The following PTGFRN variants were observed in gnomAD, a reference collection of about 807,000 sequenced individuals.
PTGFRN encodes prostaglandin F2 receptor inhibitor, also known as prostaglandin F2 receptor negative regulator.
Under a neutral mutation model 83.2 loss-of-function variants are expected in PTGFRN, and 35 were observed. That is an observed-to-expected ratio of 0.42 (90% confidence interval 0.32 to 0.56). The LOEUF (loss-of-function observed/expected upper bound fraction) is 0.56. Ranked by LOEUF, PTGFRN falls within the 20% of genes least tolerant of loss-of-function variation. PTGFRN has a pLI of 0.11. For synonymous variants in PTGFRN, 519 were observed against 498.6 expected (o/e 1.04, Z -0.55); for missense variants, 1,051 against 1,179.5 (o/e 0.89, Z 1.60).
At chr1:116,911,196 C>T (rs1461894236) in intron 1 of PTGFRN, among the ~76,000 whole-genome samples, 1 of 152,186 alleles carries the variant, frequency 6.6e-6, no homozygotes, top group South Asian at 2.1e-4. Context: ...TTTTGATATT[C>T]TTGGATCCTT....
intron 7 of PTGFRN, among the ~76,000 whole-genome samples, chr1:116,977,773 A>C (rs932293292): frequency 2.0e-4 from 30 of 152,372 alleles, no homozygotes; most frequent in African/African-American, 7.2e-4. Flanking sequence ...AAAGCAGGAA[A>C]GATCTAAAAT....
intron 7 of PTGFRN, among the ~76,000 whole-genome samples, chr1:116,979,482 T>A (rs1282578559): frequency 1.3e-5 from 2 of 152,186 alleles, no homozygotes; most frequent in Non-Finnish European, 2.9e-5. Context: ...ACTACAAGGC[T>A]GCAGTAACCA....
At chr1:116,954,614 T>C (rs1379205839) in intron 4 of PTGFRN, among the ~76,000 whole-genome samples, 1 of 152,196 alleles carries the variant, frequency 6.6e-6, no homozygotes, top group Non-Finnish European at 1.5e-5. Context: ...GCTGTTGTCA[T>C]CACTCTTGTC....
chr1:116,963,484 C>A (rs937556719), intron 5 of PTGFRN, among the ~76,000 whole-genome samples: 1 of 152,182 alleles, frequency 6.6e-6, no homozygotes, highest in Non-Finnish European at 1.5e-5. Flanking sequence ...TCTCTTATGT[C>A]TTTGGTAATT....
chr1:116,931,462 A>G (rs1408059236), intron 1 of PTGFRN, among the ~76,000 whole-genome samples: 1 of 148,742 alleles, frequency 6.7e-6, no homozygotes, highest in Non-Finnish European at 1.5e-5. Flanking sequence ...ACATTTGTCT[A>G]GTGTATCTCA....
chr1:116,979,317 T>G (rs1651244494), intron 7 of PTGFRN, among the ~76,000 whole-genome samples: 1 of 152,180 alleles, frequency 6.6e-6, no homozygotes, highest in Non-Finnish European at 1.5e-5. Context: ...ATAGATTCAA[T>G]GCCATCCCCA....
chr1:116,961,474 G>A lies in PTGFRN; in HGVS notation c.1445G>A (p.Arg482Gln), dbSNP rs1357786606. 9 of 1,614,026 alleles carry A rather than the reference G, an allele frequency of 5.6e-6. No individual in the cohort carries two copies. The highest frequency in any genetic ancestry group is 4.0e-5 in the African/African-American group (3 of 74,910). Residue 482 changes from arginine (R) to glutamine (Q), a missense_variant, in exon 5 of 9, where the codon CGG (arginine) becomes CAG (glutamine). Physicochemically the swap from Arg to Gln is conservative, Grantham distance 43. Transcript: ENST00000393203. The surrounding 1 kb of genome is among the most constrained non-coding windows in gnomAD (Gnocchi z 5.4). ...AAATATGGAGAGAGGAGCAAGCAGC[G>A]GGCCCAGGATGGAGACTTTATTTTT... ...TLKYGERSKQ[R>Q]AQDGDFIFSK... is the part of the protein sequence containing the mutation.
chr1:116,940,143 C>T (rs4539125), intron 1 of PTGFRN, among the ~76,000 whole-genome samples: 93,243 of 152,074 alleles, frequency 0.61, 29,873 homozygotes, highest in East Asian at 0.82. Flanking sequence ...CTAGAGCTGC[C>T]GCAACAAAGT....
intron 1 of PTGFRN, among the ~76,000 whole-genome samples, chr1:116,938,330 A>G (rs1281040862): frequency 6.6e-6 from 1 of 152,178 alleles, no homozygotes; most frequent in Non-Finnish European, 1.5e-5. Context: ...AGACTGGGCA[A>G]TTTACAAAAG....
chr1:116,951,694 C>T (rs1196504592), intron 4 of PTGFRN, among the ~76,000 whole-genome samples: 1 of 152,074 alleles, frequency 6.6e-6, no homozygotes, highest in Non-Finnish European at 1.5e-5. Flanking sequence ...GACTTCTCCT[C>T]CTTCCCTGTG....
chr1:116,961,790 A>G lies in PTGFRN; in HGVS notation c.1639+122A>G, dbSNP rs994061841. On this transcript the variant is annotated intron_variant, in intron 5 of 8. Coordinates refer to ENST00000393203, the MANE Select transcript of PTGFRN (RefSeq NM_020440.4). This position sits in a 1 kb window ranked among gnomAD's most constrained non-coding sequence, Gnocchi z 5.4. ...TACACTAGGAATGTGTGTCCTGGAC[A>G]TTGATCGCCATGCGACCCGTTGCAC... is the stretch of plus-strand genomic sequence containing the variant. The G allele has an allele frequency of 1.4e-5, 14 of 972,334 alleles. No homozygotes were observed. Among genetic ancestry groups the G allele is most frequent in the Non-Finnish European group, 1.9e-5 (13 of 669,776 alleles). 60.2% of individuals were successfully genotyped at this position (972,334 alleles called of 1,614,324 possible). A position where few individuals can be genotyped will look rare whatever the true frequency, so the allele number is the denominator to read the frequency against.
Position 116,958,591 on chromosome 1 carries a change from TACAC to T in PTGFRN, c.1214-2643_1214-2640del, listed in dbSNP as rs886721879. On this transcript the variant is annotated intron_variant, in intron 4 of 8. Transcript: ENST00000393203. The surrounding 1 kb of genome is among the most constrained non-coding windows in gnomAD (Gnocchi z 4.9). Reference sequence around the variant, plus strand: ...GTATATGAATATGTGTGTACCTGCATACACACACACACCAGGCACCAGTCTAGGC... The same window carrying T: ...GTATATGAATATGTGTGTACCTGCATACACACACCAGGCACCAGTCTAGGC... 2.0e-5 allele frequency among the ~76,000 whole-genome samples: 3 copies of T among 152,040 alleles called. No homozygotes were observed. The East Asian group carries it at 5.8e-4, about 29-fold the overall frequency.
At chr1:116,929,501 C>T (rs897716435) in intron 1 of PTGFRN, among the ~76,000 whole-genome samples, 2 of 152,178 alleles carry the variant, frequency 1.3e-5, no homozygotes, top group African/African-American at 4.8e-5. Flanking sequence ...TGATCAGTCA[C>T]AGTGATCTTT....
intron 6 of PTGFRN, among the ~76,000 whole-genome samples, chr1:116,968,639 A>G (rs181006336): frequency 2.0e-5 from 3 of 152,252 alleles, no homozygotes; most frequent in East Asian, 1.9e-4. Flanking sequence ...AACTATCACT[A>G]CTATCTAATT....
chr1:116,974,415 G>C, intron 7 of PTGFRN, 92 bp downstream of exon 7: 1 of 993,740 alleles, frequency 1.0e-6, no homozygotes, highest in Non-Finnish European at 1.5e-6. Context: ...GTGGGTTAGG[G>C]ATAGGATTAT....
rs1046889720 is a variant in PTGFRN at position 116,952,252 on chromosome 1, A to G, written c.1213+2680A>G. Among the ~76,000 whole-genome samples, 5 of 152,080 alleles carry G rather than the reference A, an allele frequency of 3.3e-5. No individual in the cohort carries two copies. On this transcript the variant is annotated intron_variant, in intron 4 of 8. Transcript: ENST00000393203. The surrounding 1 kb of genome is among the most constrained non-coding windows in gnomAD (Gnocchi z 4.0). ...TAAGAGCTGGGTAGTTCTTGTCTTCATTTGCTTGGGGCTTGTGTACTGAGC... is the reference window on the plus strand; with the variant it reads ...TAAGAGCTGGGTAGTTCTTGTCTTCGTTTGCTTGGGGCTTGTGTACTGAGC...
rs1404712216 is a variant in PTGFRN at position 116,918,178 on chromosome 1, T to TTG, written c.49+7927_49+7928insGT. 6.6e-6 allele frequency among the ~76,000 whole-genome samples: 1 copy of TTG among 152,204 alleles called. No homozygotes were observed. Among genetic ancestry groups the TTG allele is most frequent in the East Asian group, 1.9e-4 (1 of 5,190 alleles). Reference sequence around the variant, plus strand: ...AAATCTACTTCTGTTCTTTATACCCTTCCAGCCTTACTTCATCTCCCAATT... The same window carrying TTG: ...AAATCTACTTCTGTTCTTTATACCCTTGTCCAGCCTTACTTCATCTCCCAATT... On this transcript the variant is annotated intron_variant, in intron 1 of 8. Transcript: ENST00000393203. This position sits in a 1 kb window ranked among gnomAD's most constrained non-coding sequence, Gnocchi z 4.1.
At chr1:116,962,348 T>TA (rs1166296164) in intron 5 of PTGFRN, 2 of 152,008 alleles carry the variant, frequency 1.3e-5, no homozygotes, top group Non-Finnish European at 1.5e-5. Context: ...CCTAGGAACT[T>TA]AAAAAAAATG....
rs1016082745 is a variant in PTGFRN at position 116,987,753 on chromosome 1, G to C, written c.*786G>C. On this transcript the variant is annotated 3_prime_UTR_variant, in exon 9 of 9. Transcript: ENST00000393203. Reference sequence around the variant, plus strand: ...AAATACACAGCCACCTCTGTCCAGGGCAGTAAGAAGGGCTGCAAGGAAGGG... The same window carrying C: ...AAATACACAGCCACCTCTGTCCAGGCCAGTAAGAAGGGCTGCAAGGAAGGG... 4.6e-5 allele frequency: 7 copies of C among 152,668 alleles called. No homozygotes were observed. The highest frequency in any genetic ancestry group is 1.0e-4 in the Non-Finnish European group (7 of 68,136). The allele number at this position is 152,668 out of a possible 1,614,324, so 9.5% of individuals were successfully genotyped here.
Sources: allele counts gnomAD v4.1 joint callset (sites outside exome capture counted in the v4.1 genomes callset), GRCh38; gene constraint gnomAD v4.1.1; non-coding constraint Gnocchi (gnomAD v3.1); transcripts MANE v1.5; gene names NCBI Gene and HGNC (gene_info 2026-07-23, HGNC 2026-07-21).